ZNF780A: variants seen among roughly 807,000 people sequenced by gnomAD.
ZNF780A encodes the protein zinc finger protein 780A.
In ZNF780A, 40 loss-of-function variants were observed where a neutral mutation model predicts 56.7. The ratio of observed to expected loss-of-function variants is 0.71; its 90% CI spans 0.55 to 0.92. The LOEUF is 0.92. ZNF780A is among the 40% of genes least tolerant of loss of function. ZNF780A has a pLI of 0.00. For synonymous variants in ZNF780A, 231 were observed against 248.3 expected, an observed-to-expected ratio of 0.93 and a Z score of 0.66; for missense variants, 672 against 783.3, an observed-to-expected ratio of 0.86 and a Z score of 1.70.
rs1974120847 is a variant in ZNF780A, at chr19:40,076,124, T to A, written c.318A>T (p.Gln106His). The A allele has an allele frequency of 6.2e-7, 1 of 1,610,586 alleles. No individual in the cohort carries two copies. The part of the protein sequence containing the change: ...EVNLPKQVIK[Q>H]ISTTLGIEAF... ...CCTCAATGCCAAGAGTTGTACTTAT[T>A]TGCTTTATAACCTGTTTGGGTAAAT... Residue 106 changes from glutamine to histidine, a missense_variant, in exon 6 of 6, where the codon CAA becomes CAT. Gln to His is a conservative substitution (Grantham distance 24, BLOSUM62 0). Transcript: ENST00000683561.
At chr19:40,086,137 G>A (rs200915600) in intron 2 of ZNF780A, among the ~76,000 whole-genome samples, 1 of 151,808 alleles carries the variant, frequency 6.6e-6, no homozygotes, top group Non-Finnish European at 1.5e-5. Context: ...CTTGGGGTGG[G>A]AAATCAGCAT....
chr19:40,088,869 A>G (rs1232630626), intron 2 of ZNF780A, among the ~76,000 whole-genome samples: 1 of 152,252 alleles, frequency 6.6e-6, no homozygotes, highest in East Asian at 1.9e-4. Context: ...AAAAACATGG[A>G]TGAACCTGGA....
At chr19:40,088,365 TC>T (rs1465331972) in intron 2 of ZNF780A, among the ~76,000 whole-genome samples, 2 of 151,700 alleles carry the variant, frequency 1.3e-5, no homozygotes, top group African/African-American at 2.4e-5. Context: ...AACAGGCACA[TC>T]CCAAAAGAAG....
chr19:40,082,020 A>G, intron 4 of ZNF780A, 106 bp from the exon 5 acceptor site: 1 of 728,816 alleles, frequency 1.4e-6, no homozygotes, highest in Non-Finnish European at 2.2e-6. Flanking sequence ...TCAAAACAAT[A>G]TTGAAAAGAG....
rs368109903 is a variant in ZNF780A at position 40,080,924 on chromosome 19, G to A, written c.232+895C>T. Among the ~76,000 whole-genome samples the A allele has an allele frequency of 1.9e-4, 29 of 152,088 alleles. No homozygotes were observed. The South Asian group carries it at 3.9e-3, about 21-fold the overall frequency. ...TGAAACCAGACCCCTATTTCTCACCGTATACAAAAATCAACTGGAAATGGA... is the reference window on the plus strand; with the variant it reads ...TGAAACCAGACCCCTATTTCTCACCATATACAAAAATCAACTGGAAATGGA... On this transcript the variant is annotated intron_variant, in intron 5 of 5. Coordinates refer to ENST00000683561, the MANE Select transcript of ZNF780A (RefSeq NM_001142578.2).
intron 2 of ZNF780A, among the ~76,000 whole-genome samples, chr19:40,089,781 C>T (rs1975040079): frequency 6.6e-6 from 1 of 152,162 alleles, no homozygotes; most frequent in Non-Finnish European, 1.5e-5. Flanking sequence ...GTCACTTTTC[C>T]ACTACCGAAT....
At chr19:40,078,228 T>G (rs1599838541) in intron 5 of ZNF780A, among the ~76,000 whole-genome samples, 1 of 151,840 alleles carries the variant, frequency 6.6e-6, no homozygotes, top group African/African-American at 2.4e-5. Flanking sequence ...CCAATTCTTT[T>G]GAAATAACCC....
rs948103546 is a variant in ZNF780A at position 40,073,811 on chromosome 19, C to T, written c.*705G>A. 9.1e-6 allele frequency: 9 copies of T among 988,400 alleles called. No homozygotes were observed. Among genetic ancestry groups the T allele is most frequent in the African/African-American group, 5.2e-5 (3 of 57,222 alleles). 61.2% of individuals were successfully genotyped at this position (988,400 alleles called of 1,614,324 possible). Reference sequence around the variant, plus strand: ...GCTCTCTGGTGTTGAGTAAATTTTTCGTACACAGTGAAGGCTTGTCCACAC... The same window carrying T: ...GCTCTCTGGTGTTGAGTAAATTTTTTGTACACAGTGAAGGCTTGTCCACAC... On this transcript the variant is annotated 3_prime_UTR_variant, in exon 6 of 6. Transcript: ENST00000683561.
Position 40,084,790 on chromosome 19 carries a change from G to T in ZNF780A, c.-37C>A. The T allele has an allele frequency of 2.6e-6, 4 of 1,553,028 alleles. No individual in the cohort carries two copies. The highest frequency in any genetic ancestry group is 3.5e-6 in the Non-Finnish European group (4 of 1,147,996). ...TACAAAACTGGTCAATCTTCCTCGG[G>T]CTTCTCCCCTGGAAAACAACAACAA... On this transcript the variant is annotated 5_prime_UTR_variant, in exon 3 of 6. Transcript: ENST00000683561.
chr19:40,076,539 C>T (rs1470045583), intron 5 of ZNF780A, among the ~76,000 whole-genome samples: 1 of 152,182 alleles, frequency 6.6e-6, no homozygotes, highest in Non-Finnish European at 1.5e-5. Flanking sequence ...GTTTCATAGT[C>T]AGTAATTAGA....
At position 40,075,792 on chromosome 19, in the gene ZNF780A, C is replaced by T. The variant is rs762253740; in HGVS notation, c.650G>A (p.Gly217Asp). Residue 217 changes from glycine to aspartate, a missense_variant, in exon 6 of 6, where the codon GGT (glycine) becomes GAT (aspartate). Gly to Asp is a moderately conservative substitution (Grantham distance 94). Transcript: ENST00000683561. ...TTCGTTACATTCAAAAGGTTTCTCA[C>T]CAGTATGAAATTTCTGATGTCGAGT... ...QFTRHQKFHT[G>D]EKPFECNECG... is the part of the protein sequence containing the mutation. The T allele has an allele frequency of 1.2e-6, 2 of 1,613,890 alleles. No individual in the cohort carries two copies. Among genetic ancestry groups the T allele is most frequent in the Admixed American group, 1.7e-5 (1 of 60,004 alleles).
intron 2 of ZNF780A, chr19:40,085,359 TC>T: frequency 1.0e-6 from 1 of 984,990 alleles, no homozygotes; most frequent in Non-Finnish European, 1.2e-6. Context: ...GTTCAGAACA[TC>T]CACTTAATAG....
rs373961447 is a variant in ZNF780A at position 40,089,936 on chromosome 19, TTTAATA to T, written c.-46+224_-46+229del. Among the ~76,000 whole-genome samples, 902 of 152,262 alleles carry T rather than the reference TTTAATA, an allele frequency of 5.9e-3. 6 individuals carry two copies. The highest frequency in any genetic ancestry group is 0.021 in the African/African-American group (861 of 41,540). On this transcript the variant is annotated intron_variant, in intron 2 of 5. Coordinates refer to ENST00000683561, the MANE Select transcript of ZNF780A (RefSeq NM_001142578.2). ...CCCAAATATGGGTCTAAAATGGAGC[TTTAATA>T]TTAACTACTGGAGGTGTATTTCTAT...
intron 2 of ZNF780A, among the ~76,000 whole-genome samples, chr19:40,088,196 G>A (rs750428620): frequency 2.0e-5 from 3 of 152,050 alleles, no homozygotes; most frequent in South Asian, 2.1e-4. Flanking sequence ...CTTCTGCACA[G>A]AAAAGGAAAC....
At chr19:40,069,597 T>A (rs1193811590), downstream of ZNF780A, 1 of 152,136 alleles carries the variant, frequency 6.6e-6, no homozygotes, top group Admixed American at 6.6e-5. Flanking sequence ...ACCATCTCTA[T>A]AATAGTTCAT....
Position 40,073,571 on chromosome 19 carries a change from A to G in ZNF780A, c.*945T>C. On this transcript the variant is annotated 3_prime_UTR_variant, in exon 6 of 6. Transcript: ENST00000683561. The stretch of plus-strand genomic sequence containing the variant: ...ATTTCATAGGGAGTACATTGTGAAC[A>G]TGACAACTACCCTATATTCCTCATT... The G allele has an allele frequency of 1.0e-6, 1 of 985,926 alleles. No individual in the cohort carries two copies. The highest frequency in any genetic ancestry group is 1.2e-6 in the Non-Finnish European group (1 of 830,360). The allele number at this position is 985,926 out of a possible 1,614,324, so 61.1% of individuals were successfully genotyped here. A position where few individuals can be genotyped will look rare whatever the true frequency, so the allele number is the denominator to read the frequency against.
At chr19:40,069,572 T>C (rs1039538567), downstream of ZNF780A, 1 of 152,178 alleles carries the variant, frequency 6.6e-6, no homozygotes, top group Admixed American at 6.6e-5. Flanking sequence ...AAATTGTTAG[T>C]TGACATTGTT....
At position 40,074,847 on chromosome 19, in the gene ZNF780A, T is replaced by G; in HGVS notation, c.1595A>C (p.Lys532Thr). ...ACGACGAAAGAATTTCCCACATTCC[T>G]TACATTCAAATGGTTTTTCACCTGT... Reference protein sequence around the residue: ...THTGEKPFECKECGKFFRRGS... With the variant: ...THTGEKPFECTECGKFFRRGS... Residue 532 changes from lysine (K) to threonine (T), a missense_variant, in exon 6 of 6, where the codon AAG (lysine) becomes ACG (threonine). Coordinates refer to ENST00000683561, the MANE Select transcript of ZNF780A (RefSeq NM_001142578.2). The G allele has an allele frequency of 6.2e-7, 1 of 1,614,240 alleles. No homozygotes were observed. The highest frequency in any genetic ancestry group is 8.5e-7 in the Non-Finnish European group (1 of 1,180,044).
At chr19:40,077,439 T>C (rs1168809438) in intron 5 of ZNF780A, among the ~76,000 whole-genome samples, 1 of 152,072 alleles carries the variant, frequency 6.6e-6, no homozygotes, top group Non-Finnish European at 1.5e-5. Flanking sequence ...TGCCATATAC[T>C]TTTAAACAAC....
Sources: gnomAD v4.1 joint callset for allele counts (sites outside exome capture counted in the v4.1 genomes callset) on GRCh38, gnomAD v4.1.1 for gene constraint, MANE v1.5 for transcripts, NCBI Gene and HGNC (gene_info 2026-07-23, HGNC 2026-07-21) for gene names.